Variants in CLEC2L observed in about 807,000 individuals in gnomAD.
The protein encoded by CLEC2L is C-type lectin domain family 2, member L.
Under a neutral mutation model 23.6 loss-of-function variants are expected in CLEC2L, and 14 were observed. That is an observed-to-expected ratio of 0.59 (90% confidence interval 0.39 to 0.93). CLEC2L has a LOEUF of 0.93. Ranked by LOEUF, CLEC2L falls within the 40% of genes least tolerant of loss-of-function variation. The pLI is 0.00. For synonymous variants in CLEC2L, 114 were observed against 121.3 expected, an observed-to-expected ratio of 0.94 and a Z score of 0.40; for missense variants, 264 against 282.4, an observed-to-expected ratio of 0.93 and a Z score of 0.47.
intron 3 of CLEC2L, among the ~76,000 whole-genome samples, chr7:139,541,129 C>T (rs149316576): frequency 4.0e-4 from 61 of 152,218 alleles, no homozygotes; most frequent in Non-Finnish European, 7.8e-4. Flanking sequence ...GTACCTCATC[C>T]TCCTGAGTCG....
Position 139,544,453 on chromosome 7 carries a change from G to GCCAC in CLEC2L, c.*111_*112insCCAC. 1 of 752,012 alleles carries GCCAC rather than the reference G, an allele frequency of 1.3e-6. No homozygotes were observed. The highest frequency in any genetic ancestry group is 2.2e-6 in the Non-Finnish European group (1 of 454,862). 46.6% of individuals were successfully genotyped at this position (752,012 alleles called of 1,614,324 possible). A position where few individuals can be genotyped will look rare whatever the true frequency, so the allele number is the denominator to read the frequency against. ...CTGCCCTCTGCAAGGCGAAGCGGTG[G>GCCAC]GTGCGTGGCCTCCGCCCCAGGCCCC... On this transcript the variant is annotated 3_prime_UTR_variant, in exon 5 of 5. Transcript: ENST00000422142.
chr7:139,543,848 C>T (rs1326874799), intron 4 of CLEC2L, among the ~76,000 whole-genome samples: 1 of 152,116 alleles, frequency 6.6e-6, no homozygotes, highest in Non-Finnish European at 1.5e-5. Flanking sequence ...CAGGTAGAGG[C>T]CCCAGGGGGC....
At position 139,524,032 on chromosome 7, in the gene CLEC2L, G is replaced by A. The variant is rs1481376320; in HGVS notation, c.105G>A (p.Glu35=). 4 of 1,188,416 alleles carry A rather than the reference G, an allele frequency of 3.4e-6. No individual in the cohort carries two copies. The highest frequency in any genetic ancestry group is 3.2e-5 in the African/African-American group (2 of 62,806). 73.6% of individuals were successfully genotyped at this position (1,188,416 alleles called of 1,614,324 possible). The change falls in exon 1 of 5, where the codon GAG becomes GAA. Residue 35 remains glutamate, a synonymous_variant. Coordinates refer to ENST00000422142, the MANE Select transcript of CLEC2L (RefSeq NM_001080511.4). Reference sequence around the variant, plus strand: ...CCCCCAGGCCGCGTTCGCCCGCAGAGGCTGAGGCCCGCGGCCCCGAGGGGC... The same window carrying A: ...CCCCCAGGCCGCGTTCGCCCGCAGAAGCTGAGGCCCGCGGCCCCGAGGGGC... ...PAAPRPRSPA[E]AEARGPEGLL...
At chr7:139,542,258 G>A in intron 4 of CLEC2L, 137 bp downstream of exon 4, 1 of 602,856 alleles carries the variant, frequency 1.7e-6, no homozygotes, top group Non-Finnish European at 2.9e-6. Context: ...CCAGCAGTGT[G>A]CGCCAGAGAC....
intron 1 of CLEC2L, among the ~76,000 whole-genome samples, chr7:139,525,472 G>A (rs1410488999): frequency 6.6e-6 from 1 of 152,052 alleles, no homozygotes; most frequent in African/African-American, 2.4e-5. Flanking sequence ...AAGATGTTGC[G>A]TCACCAAGGA....
At chr7:139,534,545 C>T in intron 1 of CLEC2L, 2 of 761,364 alleles carry the variant, frequency 2.6e-6, no homozygotes, top group Non-Finnish European at 2.4e-6. Flanking sequence ...GCTCAACAGG[C>T]TGATAAATAA....
intron 1 of CLEC2L, among the ~76,000 whole-genome samples, chr7:139,526,714 G>A (rs1797512374): frequency 6.6e-6 from 1 of 152,196 alleles, no homozygotes; most frequent in Non-Finnish European, 1.5e-5. Flanking sequence ...GTCAGGTCAT[G>A]ATTTCTACCT....
At chr7:139,544,042 G>A (rs1429517427) in intron 4 of CLEC2L, among the ~76,000 whole-genome samples, 189 bp from the exon 5 acceptor site, 1 of 152,182 alleles carries the variant, frequency 6.6e-6, no homozygotes, top group Non-Finnish European at 1.5e-5. Flanking sequence ...CTGGAGCTAC[G>A]GTGCACAGAG....
intron 1 of CLEC2L, among the ~76,000 whole-genome samples, chr7:139,531,382 T>C (rs1234988630): frequency 6.6e-6 from 1 of 152,006 alleles, no homozygotes; most frequent in Non-Finnish European, 1.5e-5. Context: ...CAAACAAACC[T>C]TGGAAATTAA....
intron 1 of CLEC2L, among the ~76,000 whole-genome samples, chr7:139,526,955 G>A (rs921943520): frequency 1.3e-5 from 2 of 152,218 alleles, no homozygotes; most frequent in Non-Finnish European, 2.9e-5. Flanking sequence ...GGGGACCCAG[G>A]GTTATGCTGC....
chr7:139,526,670 A>G (rs534579051), intron 1 of CLEC2L, among the ~76,000 whole-genome samples: 1 of 152,264 alleles, frequency 6.6e-6, no homozygotes, highest in East Asian at 1.9e-4. Flanking sequence ...CGGGCTTTCC[A>G]ACTTCCTGGA....
At chr7:139,541,945 T>C in intron 3 of CLEC2L, 76 bp from the exon 4 acceptor site, 1 of 948,660 alleles carries the variant, frequency 1.1e-6, no homozygotes. Context: ...TCTTCCAAGC[T>C]GAGGTTTGTC....
intron 1 of CLEC2L, among the ~76,000 whole-genome samples, chr7:139,527,321 C>T (rs1157769312): frequency 6.6e-6 from 1 of 152,186 alleles, no homozygotes; most frequent in Non-Finnish European, 1.5e-5. Context: ...AGCTGGGGAT[C>T]ATCAAATTCC....
intron 1 of CLEC2L, among the ~76,000 whole-genome samples, chr7:139,532,367 G>A (rs1797593590): frequency 6.6e-6 from 1 of 152,140 alleles, no homozygotes; most frequent in South Asian, 2.1e-4. Context: ...CAAGATGAGG[G>A]AGTAAACCAA....
chr7:139,542,998 C>T (rs1034907034), intron 4 of CLEC2L, among the ~76,000 whole-genome samples: 9 of 152,054 alleles, frequency 5.9e-5, no homozygotes, highest in Non-Finnish European at 1.3e-4. Context: ...GAACACAGCT[C>T]CTAACCCGAT....
At chr7:139,524,507 G>A (rs1797478512) in intron 1 of CLEC2L, among the ~76,000 whole-genome samples, 1 of 152,170 alleles carries the variant, frequency 6.6e-6, no homozygotes, top group African/African-American at 2.4e-5. Context: ...AAGTAAGAAA[G>A]CTGGAGACCC....
intron 1 of CLEC2L, chr7:139,534,347 A>G (rs1569426895): frequency 4.6e-6 from 5 of 1,097,450 alleles, no homozygotes; most frequent in Admixed American, 1.7e-5. Context: ...TGTAAAATGT[A>G]TGAAGACATG....
At chr7:139,536,083 T>C (rs891957720) in intron 1 of CLEC2L, among the ~76,000 whole-genome samples, 191 bp from the exon 2 acceptor site, 1 of 152,182 alleles carries the variant, frequency 6.6e-6, no homozygotes, top group African/African-American at 2.4e-5. Context: ...GGCGGGTGGA[T>C]CATTTGAGGT....
At chr7:139,532,929 G>A (rs1463183370) in intron 1 of CLEC2L, among the ~76,000 whole-genome samples, 1 of 152,152 alleles carries the variant, frequency 6.6e-6, no homozygotes, top group Non-Finnish European at 1.5e-5. Context: ...GAGAAATTCC[G>A]ATATTGTCTC....
Sources: allele counts gnomAD v4.1 joint callset (sites outside exome capture counted in the v4.1 genomes callset), GRCh38; gene constraint gnomAD v4.1.1; transcripts MANE v1.5; gene names NCBI Gene and HGNC (gene_info 2026-07-23, HGNC 2026-07-21).